COL22A1: variants seen among roughly 807,000 people sequenced by gnomAD.
COL22A1 encodes the protein collagen type XXII alpha 1 chain.
In COL22A1, 221 loss-of-function variants were observed where a neutral mutation model predicts 248.9. The observed-to-expected ratio is 0.89, with a 90% CI of 0.80 to 0.99. The LOEUF is 0.99. Among genes scored for constraint, COL22A1 ranks in the 50% least tolerant of loss-of-function variants. The pLI is 0.00. For missense variants in COL22A1, 2,240 were observed against 2,179.0 expected (o/e 1.03, Z -0.56); for synonymous variants, 891 against 793.4 (o/e 1.12, Z -2.07).
chr8:138,722,843 A>G (rs950861673), intron 25 of COL22A1, among the ~76,000 whole-genome samples: 5 of 1,574 alleles, frequency 3.2e-3, no homozygotes, highest in Non-Finnish European at 9.5e-3. Context: ...ATCGGGTCAC[A>G]TGGGGGCGGG....
At chr8:138,848,839 A>T (rs1160968926) in intron 3 of COL22A1, among the ~76,000 whole-genome samples, 1 of 152,228 alleles carries the variant, frequency 6.6e-6, no homozygotes, top group African/African-American at 2.4e-5. Context: ...AGGAAGAGAT[A>T]CGGTGGCCCC....
At chr8:138,652,554 T>C (rs1013301521) in intron 45 of COL22A1, among the ~76,000 whole-genome samples, 1 of 152,094 alleles carries the variant, frequency 6.6e-6, no homozygotes, top group Non-Finnish European at 1.5e-5. Context: ...TTGAGTCTAT[T>C]TCCTCACCTG....
intron 40 of COL22A1, among the ~76,000 whole-genome samples, chr8:138,678,286 C>A (rs540479486): frequency 6.6e-6 from 1 of 152,098 alleles, no homozygotes; most frequent in East Asian, 1.9e-4. Flanking sequence ...AAGACACAAA[C>A]CAAGACCTAA....
intron 63 of COL22A1, among the ~76,000 whole-genome samples, chr8:138,593,360 T>G (rs917583990): frequency 6.6e-6 from 1 of 152,112 alleles, no homozygotes; most frequent in African/African-American, 2.4e-5. Context: ...GTTCAGCACA[T>G]GTATCCCAGA....
chr8:138,902,773 C>CAA (rs1814709718), intron 1 of COL22A1, among the ~76,000 whole-genome samples: 1 of 150,558 alleles, frequency 6.6e-6, no homozygotes, highest in Non-Finnish European at 1.5e-5. Flanking sequence ...CACACACACA[C>CAA]ACACACACAC....
Position 138,690,892 on chromosome 8 carries a change from T to C in COL22A1, c.2755-18A>G, listed in dbSNP as rs1366941922. The C allele has an allele frequency of 6.2e-7, 1 of 1,600,794 alleles. No individual in the cohort carries two copies. Among genetic ancestry groups the C allele is most frequent in the Admixed American group, 1.7e-5 (1 of 58,202 alleles). ...GGAGCACCCTGTTCAGAGACAGAAG[T>C]TTAGAAAGGCCAAACGCATTGATTA... On this transcript the variant is annotated intron_variant, in intron 35 of 64. Transcript: ENST00000303045.
At chr8:138,821,524 G>A (rs1819131198) in intron 6 of COL22A1, 113 bp from the exon 7 acceptor site, 4 of 1,094,818 alleles carry the variant, frequency 3.7e-6, no homozygotes, top group Non-Finnish European at 2.7e-6. Flanking sequence ...AATCCTGGCT[G>A]TGACTCTTAC....
chr8:138,655,452 G>A (rs548882510), intron 45 of COL22A1, among the ~76,000 whole-genome samples: 103 of 152,090 alleles, frequency 6.8e-4, no homozygotes, highest in Middle Eastern at 3.2e-3. Flanking sequence ...TCTACCTCCC[G>A]GGCTCAAGTG....
intron 3 of COL22A1, among the ~76,000 whole-genome samples, chr8:138,849,488 G>A (rs920481323): frequency 1.6e-4 from 24 of 152,226 alleles, no homozygotes; most frequent in African/African-American, 5.8e-4. Flanking sequence ...AGGCCACACA[G>A]CTTGCAGGTG....
intron 51 of COL22A1, 120 bp downstream of exon 51, chr8:138,626,070 A>C: frequency 1.4e-6 from 1 of 731,756 alleles, no homozygotes; most frequent in Non-Finnish European, 2.2e-6. Context: ...AATTTTCTAC[A>C]ACACTCAAAA....
Position 138,596,072 on chromosome 8 carries a change from T to C in COL22A1, c.4432+832A>G, listed in dbSNP as rs1341827085. Among the ~76,000 whole-genome samples the C allele has an allele frequency of 4.6e-5, 7 of 152,174 alleles. No individual in the cohort carries two copies. The East Asian group carries it at 1.4e-3, about 29-fold the overall frequency. ...TGCTTCTAACAATTCTTACAATAAT[T>C]ACATGAGCCTCATGAGATTGTTTGG... On this transcript the variant is annotated intron_variant, in intron 62 of 64. Transcript: ENST00000303045.
chr8:138,687,577 T>C (rs183713899), intron 37 of COL22A1, among the ~76,000 whole-genome samples: 86 of 152,350 alleles, frequency 5.6e-4, no homozygotes, highest in African/African-American at 2.0e-3. Flanking sequence ...TTCCTGTCCA[T>C]GGATACTAGT....
At chr8:138,816,273 C>T (rs925153782) in intron 7 of COL22A1, among the ~76,000 whole-genome samples, 1 of 152,100 alleles carries the variant, frequency 6.6e-6, no homozygotes, top group Admixed American at 6.6e-5. Context: ...CCAAGAGGGG[C>T]CCCTTTCCGA....
intron 3 of COL22A1, among the ~76,000 whole-genome samples, chr8:138,873,312 T>C (rs1823477828): frequency 6.6e-6 from 1 of 152,148 alleles, no homozygotes; most frequent in South Asian, 2.1e-4. Context: ...TAATTTCAGA[T>C]TTGCTTCATG....
intron 48 of COL22A1, 71 bp downstream of exon 48, chr8:138,636,671 A>G (rs1821205898): frequency 8.9e-7 from 1 of 1,123,798 alleles, no homozygotes; most frequent in Non-Finnish European, 1.3e-6. Context: ...GACATTGTAC[A>G]ATGGAAGCCA....
In COL22A1 at chr8:138,596,798, G is replaced by T. The variant is rs994722879; in HGVS notation, c.4432+106C>A. Reference sequence around the variant, plus strand: ...CTGATAGTCTACACTTGAGCTGCCGGTCAAGTGCTTTTCTTATTCCAGGAT... The same window carrying T: ...CTGATAGTCTACACTTGAGCTGCCGTTCAAGTGCTTTTCTTATTCCAGGAT... On this transcript the variant is annotated intron_variant, in intron 62 of 64. Coordinates refer to ENST00000303045, the MANE Select transcript of COL22A1 (RefSeq NM_152888.3). The T allele has an allele frequency of 1.9e-5, 19 of 1,011,176 alleles. No individual in the cohort carries two copies. In the Admixed American group the frequency reaches 3.0e-4, roughly 16 times the overall value. The allele number at this position is 1,011,176 out of a possible 1,614,324, so 62.6% of individuals were successfully genotyped here. A position where few individuals can be genotyped will look rare whatever the true frequency, so the allele number is the denominator to read the frequency against.
intron 18 of COL22A1, 24 bp downstream of exon 18, chr8:138,760,219 C>G (rs1833349263): frequency 6.4e-7 from 1 of 1,552,936 alleles, no homozygotes; most frequent in Non-Finnish European, 8.7e-7. Context: ...GCACAGAGCC[C>G]TTGACAGCCC....
At chr8:138,873,513 A>G (rs746670914) in intron 3 of COL22A1, among the ~76,000 whole-genome samples, 17 of 152,222 alleles carry the variant, frequency 1.1e-4, no homozygotes, top group Non-Finnish European at 1.9e-4. Flanking sequence ...AGGTACCACA[A>G]GGAACAGACT....
intron 9 of COL22A1, among the ~76,000 whole-genome samples, chr8:138,811,346 CAT>C (rs1039028976): frequency 1.2e-5 from 1 of 86,058 alleles, no homozygotes; most frequent in Non-Finnish European, 2.7e-5. Flanking sequence ...CGTACATACA[CAT>C]ATATACACAC....
Sources: gnomAD v4.1 joint callset for allele counts (sites outside exome capture counted in the v4.1 genomes callset) on GRCh38, gnomAD v4.1.1 for gene constraint, MANE v1.5 for transcripts, NCBI Gene and HGNC (gene_info 2026-07-23, HGNC 2026-07-21) for gene names.